MAP3K5: variants seen among roughly 807,000 people sequenced by gnomAD.
MAP3K5 encodes ASK-1.
In MAP3K5, 56 loss-of-function variants were observed where a neutral mutation model predicts 158.7. The ratio of observed to expected loss-of-function variants is 0.35; its 90% CI spans 0.28 to 0.44. The LOEUF is 0.44. MAP3K5 is among the 20% of genes least tolerant of loss of function. The probability of loss-of-function intolerance (pLI) is 1.00; values close to 1 mark genes in which losing one functional copy is unlikely to be tolerated. For missense variants in MAP3K5, 1,294 were observed against 1,674.8 expected, an observed-to-expected ratio of 0.77 and a Z score of 3.97; for synonymous variants, 579 against 601.7, an observed-to-expected ratio of 0.96 and a Z score of 0.55.
chr6:136,683,418 C>A (rs1780016156), intron 7 of MAP3K5, among the ~76,000 whole-genome samples: 1 of 152,182 alleles, frequency 6.6e-6, no homozygotes, highest in African/African-American at 2.4e-5. Flanking sequence ...TCTTGCAATC[C>A]CGAGTAGGGG....
At chr6:136,757,580 T>TCTA (rs1783552907) in intron 1 of MAP3K5, among the ~76,000 whole-genome samples, 1 of 98,304 alleles carries the variant, frequency 1.0e-5, no homozygotes, top group Non-Finnish European at 2.3e-5. Flanking sequence ...TATTTATTTA[T>TCTA]TTTTTATTTT....
At chr6:136,629,437 C>T (rs547924751) in intron 14 of MAP3K5, among the ~76,000 whole-genome samples, 53 of 152,254 alleles carry the variant, frequency 3.5e-4, no homozygotes, top group Non-Finnish European at 6.6e-4. Context: ...GATCTCTCCT[C>T]CCTTAGATCT....
At chr6:136,761,287 T>TAAA (rs745482361) in intron 1 of MAP3K5, among the ~76,000 whole-genome samples, 6 of 68,140 alleles carry the variant, frequency 8.8e-5, no homozygotes, top group African/African-American at 3.8e-4. Flanking sequence ...GACCCTAACT[T>TAAA]TAAAAAAAAA....
At chr6:136,728,121 G>A (rs1782053246) in intron 1 of MAP3K5, among the ~76,000 whole-genome samples, 1 of 152,140 alleles carries the variant, frequency 6.6e-6, no homozygotes, top group African/African-American at 2.4e-5. Context: ...TCAGGGGTTT[G>A]TTAAAGCATA....
intron 2 of MAP3K5, among the ~76,000 whole-genome samples, chr6:136,716,932 C>T (rs1781555880): frequency 6.6e-6 from 1 of 151,900 alleles, no homozygotes; most frequent in African/African-American, 2.4e-5. Context: ...CCGAGGTGGG[C>T]AGATTACTTG....
intron 21 of MAP3K5, 69 bp from the exon 22 acceptor site, chr6:136,592,683 T>C (rs768612969): frequency 1.6e-6 from 2 of 1,256,350 alleles, no homozygotes; most frequent in Non-Finnish European, 2.3e-6. Flanking sequence ...GAAACACCCA[T>C]TGAAAGAGGC....
At chr6:136,699,875 CT>C (rs1780768889) in intron 3 of MAP3K5, among the ~76,000 whole-genome samples, 1 of 152,184 alleles carries the variant, frequency 6.6e-6, no homozygotes, top group South Asian at 2.1e-4. Flanking sequence ...GGGCAGATTG[CT>C]TGAAGCCAGG....
At chr6:136,730,273 C>G (rs2114823961) in intron 1 of MAP3K5, among the ~76,000 whole-genome samples, 1 of 151,256 alleles carries the variant, frequency 6.6e-6, no homozygotes, top group African/African-American at 2.4e-5. Context: ...GCTGGGATAA[C>G]AGGTGTGAGC....
At position 136,764,222 on chromosome 6, in the gene MAP3K5, T is replaced by C. The variant is rs372221933; in HGVS notation, c.448+27488A>G. 3.5e-3 allele frequency among the ~76,000 whole-genome samples: 536 copies of C among 152,248 alleles called. 1 individual carries two copies. The highest frequency in any genetic ancestry group is 0.012 in the African/African-American group (514 of 41,530). ...CCCCTGTGCATGCATATGCCCCTTC[T>C]CCCATTCAGTTACCCCCCTTCCCTT... On this transcript the variant is annotated intron_variant, in intron 1 of 29. Coordinates refer to ENST00000359015, the MANE Select transcript of MAP3K5 (RefSeq NM_005923.4).
At chr6:136,725,650 G>A (rs1193516885) in intron 1 of MAP3K5, among the ~76,000 whole-genome samples, 2 of 152,048 alleles carry the variant, frequency 1.3e-5, no homozygotes, top group Non-Finnish European at 2.9e-5. Context: ...ATAATGACTT[G>A]TCTTTTCATT....
chr6:136,621,055 T>C (rs1776775972), intron 15 of MAP3K5, among the ~76,000 whole-genome samples: 1 of 152,198 alleles, frequency 6.6e-6, no homozygotes, highest in African/African-American at 2.4e-5. Context: ...TTACTTTTGA[T>C]GGCAAAAATG....
At chr6:136,641,649 G>GTT (rs35443052) in intron 12 of MAP3K5, among the ~76,000 whole-genome samples, 1 of 146,940 alleles carries the variant, frequency 6.8e-6, no homozygotes, top group African/African-American at 2.5e-5. Flanking sequence ...CTTACAGAAG[G>GTT]TTTTTTTTTT....
At chr6:136,742,163 G>C (rs1261903173) in intron 1 of MAP3K5, among the ~76,000 whole-genome samples, 3 of 152,180 alleles carry the variant, frequency 2.0e-5, no homozygotes, top group African/African-American at 7.2e-5. Context: ...TTTATGTGGA[G>C]AGGGAAAAGA....
intron 2 of MAP3K5, among the ~76,000 whole-genome samples, chr6:136,714,111 T>C (rs1226290902): frequency 6.6e-6 from 1 of 152,212 alleles, no homozygotes; most frequent in African/African-American, 2.4e-5. Flanking sequence ...TTATTTACTT[T>C]GATAAGGGAG....
chr6:136,656,519 G>A (rs1182596698), intron 9 of MAP3K5, 59 bp from the exon 10 acceptor site: 7 of 1,034,394 alleles, frequency 6.8e-6, no homozygotes, highest in Non-Finnish European at 7.1e-6. Context: ...CTGTTCCCAT[G>A]TATCCCAGTC....
chr6:136,691,991 T>C (rs1352100324), intron 7 of MAP3K5, among the ~76,000 whole-genome samples: 1 of 152,180 alleles, frequency 6.6e-6, no homozygotes, highest in Non-Finnish European at 1.5e-5. Flanking sequence ...TTTCTATGAA[T>C]AATTTTTTTC....
intron 1 of MAP3K5, among the ~76,000 whole-genome samples, chr6:136,783,032 A>C (rs1416178971): frequency 6.6e-6 from 1 of 152,194 alleles, no homozygotes; most frequent in African/African-American, 2.4e-5. Flanking sequence ...GGCTAGGCGC[A>C]GTGGCCCACG....
intron 1 of MAP3K5, among the ~76,000 whole-genome samples, chr6:136,783,835 C>T (rs1784724339): frequency 6.6e-6 from 1 of 152,318 alleles, no homozygotes; most frequent in South Asian, 2.1e-4. Flanking sequence ...GGAGGAAGTA[C>T]TTGGAAAGCA....
chr6:136,792,087 A>C lies in MAP3K5; in HGVS notation c.71T>G (p.Ile24Ser). 6.3e-7 allele frequency: 1 copy of C among 1,577,204 alleles called. No individual in the cohort carries two copies. ...PPFAPSGFCT[I>S]PEGGICRRGG... is the part of the protein sequence containing the mutation. ...CCTCCTGCAGATGCCGCCCTCGGGG[A>C]TGGTGCAGAAGCCCGAGGGGGCGAA... is the stretch of plus-strand genomic sequence containing the variant. The change falls in exon 1 of 30, where the codon ATC (isoleucine) becomes AGC (serine). Residue 24 changes from isoleucine to serine, a missense_variant. Coordinates refer to ENST00000359015, the MANE Select transcript of MAP3K5 (RefSeq NM_005923.4). This position sits in a 1 kb window ranked among gnomAD's most constrained non-coding sequence, Gnocchi z 5.7.
Sources: gnomAD v4.1 joint callset for allele counts (sites outside exome capture counted in the v4.1 genomes callset) on GRCh38, gnomAD v4.1.1 for gene constraint, Gnocchi (gnomAD v3.1) non-coding constraint, MANE v1.5 for transcripts, NCBI Gene and HGNC (gene_info 2026-07-23, HGNC 2026-07-21) for gene names.